The following SLIT2 variants were observed in gnomAD, a reference collection of about 807,000 sequenced individuals.
The protein encoded by SLIT2 is slit homolog 2 protein.
A neutral mutation model predicts 185.7 loss-of-function variants in SLIT2; 41 were observed. That is an observed-to-expected ratio of 0.22 (90% CI 0.17 to 0.29). The LOEUF is 0.29. Ranked by LOEUF, SLIT2 falls within the 10% of genes least tolerant of loss-of-function variation. The pLI, the probability that SLIT2 is intolerant of heterozygous loss-of-function variation, is 1.00. For missense variants in SLIT2, 1,571 were observed against 1,909.0 expected (o/e 0.82, Z 3.30); for synonymous variants, 693 against 680.2 (o/e 1.02, Z -0.29).
chr4:20,301,593 T>C (rs144931932), intron 4 of SLIT2, among the ~76,000 whole-genome samples: 1 of 152,290 alleles, frequency 6.6e-6, no homozygotes, highest in Non-Finnish European at 1.5e-5. Flanking sequence ...TGAATTCCAA[T>C]TCACTAGAAG....
chr4:20,390,492 C>T (rs1725325538), intron 4 of SLIT2, among the ~76,000 whole-genome samples: 1 of 151,980 alleles, frequency 6.6e-6, no homozygotes. Flanking sequence ...GGTTCTGGGG[C>T]ATGGAGTGAG....
At chr4:20,508,085 C>T (rs1199785523) in intron 9 of SLIT2, among the ~76,000 whole-genome samples, 1 of 151,876 alleles carries the variant, frequency 6.6e-6, no homozygotes, top group Admixed American at 6.6e-5. Flanking sequence ...TGAAAAAAAA[C>T]TCCCTTTCTT....
chr4:20,276,015 T>A, intron 4 of SLIT2, among the ~76,000 whole-genome samples: 1 of 152,048 alleles, frequency 6.6e-6, no homozygotes, highest in East Asian at 1.9e-4. Context: ...TTTTTTAAAA[T>A]AATATAAGAT....
chr4:20,441,422 C>T (rs1729727629), intron 4 of SLIT2, among the ~76,000 whole-genome samples: 1 of 151,896 alleles, frequency 6.6e-6, no homozygotes, highest in Non-Finnish European at 1.5e-5. Flanking sequence ...TTGCTTGCCC[C>T]CAGTGTGGAT....
intron 26 of SLIT2, chr4:20,554,279 C>A: frequency 2.1e-6 from 1 of 482,476 alleles, no homozygotes. Context: ...TTTGCTTTTG[C>A]CCTGTCTGAA....
At chr4:20,566,958 C>A (rs1216126509) in intron 26 of SLIT2, among the ~76,000 whole-genome samples, 1 of 151,938 alleles carries the variant, frequency 6.6e-6, no homozygotes, top group Non-Finnish European at 1.5e-5. Context: ...GAAACACATC[C>A]ACATAAACTA....
At chr4:20,511,593 T>TTTTTTTTTATTA (rs1553915390) in intron 11 of SLIT2, among the ~76,000 whole-genome samples, 6 of 134,246 alleles carry the variant, frequency 4.5e-5, no homozygotes, top group Non-Finnish European at 7.9e-5. Context: ...GCTAATTTTT[T>TTTTTTTTTATTA]TTTTTTTTTT....
intron 4 of SLIT2, among the ~76,000 whole-genome samples, chr4:20,451,127 A>G (rs1712425643): frequency 6.6e-6 from 1 of 152,156 alleles, no homozygotes; most frequent in African/African-American, 2.4e-5. Flanking sequence ...CTAGCCAAGG[A>G]CAGAGGTCAC....
At chr4:20,560,311 A>G (rs1250875895) in intron 26 of SLIT2, among the ~76,000 whole-genome samples, 2 of 152,012 alleles carry the variant, frequency 1.3e-5, no homozygotes, top group South Asian at 2.1e-4. Flanking sequence ...AAAGGATGCC[A>G]TGCTGTTATT....
At chr4:20,380,757 G>A (rs985132191) in intron 4 of SLIT2, among the ~76,000 whole-genome samples, 1 of 151,992 alleles carries the variant, frequency 6.6e-6, no homozygotes, top group African/African-American at 2.4e-5. Flanking sequence ...AATGAACAAA[G>A]TATCTTCTGT....
At chr4:20,471,715 C>T (rs910906712) in intron 5 of SLIT2, among the ~76,000 whole-genome samples, 2 of 152,240 alleles carry the variant, frequency 1.3e-5, no homozygotes, top group African/African-American at 2.4e-5. Context: ...TGTGGATTGG[C>T]TAAATATGCT....
At chr4:20,515,620 T>C (rs1381971315) in intron 11 of SLIT2, among the ~76,000 whole-genome samples, 1 of 152,220 alleles carries the variant, frequency 6.6e-6, no homozygotes, top group African/African-American at 2.4e-5. Context: ...TCCTCTGCTT[T>C]ATCTTTACTG....
chr4:20,253,455 C>T lies in SLIT2; in HGVS notation c.-361C>T, dbSNP rs1431424422. On this transcript the variant is annotated 5_prime_UTR_variant, in exon 1 of 37. Transcript: ENST00000504154. The stretch of plus-strand genomic sequence containing the variant: ...ACAACAACCGGCCCCTGCATCTTAG[C>T]AGCCGTTGGAAGCCCCAGCTCTTTT... 3 of 287,380 alleles carry T rather than the reference C, an allele frequency of 1.0e-5. No individual in the cohort carries two copies. Among genetic ancestry groups the T allele is most frequent in the Non-Finnish European group, 2.0e-5 (3 of 151,816 alleles). 17.8% of individuals were successfully genotyped at this position (287,380 alleles called of 1,614,324 possible). A position where few individuals can be genotyped will look rare whatever the true frequency, so the allele number is the denominator to read the frequency against.
At chr4:20,342,296 TAATAAA>T (rs1721022060) in intron 4 of SLIT2, among the ~76,000 whole-genome samples, 1 of 152,138 alleles carries the variant, frequency 6.6e-6, no homozygotes, top group African/African-American at 2.4e-5. Context: ...CACATTAAAA[TAATAAA>T]AATAAAAGTA....
At chr4:20,601,956 G>A (rs1440077081) in intron 33 of SLIT2, among the ~76,000 whole-genome samples, 1 of 151,946 alleles carries the variant, frequency 6.6e-6, no homozygotes, top group African/African-American at 2.4e-5. Flanking sequence ...TATACCTCAG[G>A]TGCATCATTT....
At chr4:20,449,415 G>T (rs909938388) in intron 4 of SLIT2, among the ~76,000 whole-genome samples, 2 of 151,958 alleles carry the variant, frequency 1.3e-5, no homozygotes, top group South Asian at 4.1e-4. Flanking sequence ...GTTTTGTTTC[G>T]TTTTGATTTT....
At chr4:20,272,993 T>G (rs573192350) in intron 4 of SLIT2, among the ~76,000 whole-genome samples, 1 of 152,266 alleles carries the variant, frequency 6.6e-6, no homozygotes, top group South Asian at 2.1e-4. Flanking sequence ...TTAATTTCAT[T>G]GGCCAGGTCA....
At chr4:20,556,600 G>A (rs1243912263) in intron 26 of SLIT2, among the ~76,000 whole-genome samples, 1 of 151,598 alleles carries the variant, frequency 6.6e-6, no homozygotes, top group Non-Finnish European at 1.5e-5. Context: ...TTTCACCTTG[G>A]GAATCCCAAT....
At chr4:20,285,577 T>C (rs1268288297) in intron 4 of SLIT2, among the ~76,000 whole-genome samples, 2 of 150,002 alleles carry the variant, frequency 1.3e-5, no homozygotes, top group Admixed American at 6.7e-5. Context: ...TCTGAGACGA[T>C]GTCTTGCTCT....
Sources: gnomAD v4.1 joint callset for allele counts (sites outside exome capture counted in the v4.1 genomes callset) on GRCh38, gnomAD v4.1.1 for gene constraint, MANE v1.5 for transcripts, NCBI Gene and HGNC (gene_info 2026-07-23, HGNC 2026-07-21) for gene names.